Variants in COBLL1 observed in about 807,000 individuals in gnomAD.
COBLL1 encodes cordon-bleu WH2 repeat protein like 1.
COBLL1 carries 50 observed loss-of-function variants against 94.8 expected under a neutral mutation model. That is an observed-to-expected ratio of 0.53 (90% CI 0.42 to 0.67). COBLL1 has a LOEUF of 0.67. COBLL1 is among the 30% of genes least tolerant of loss of function. The pLI, the probability that COBLL1 is intolerant of heterozygous loss-of-function variation, is 0.00. For synonymous variants in COBLL1, 448 were observed against 473.8 expected (o/e 0.95, Z 0.71); for missense variants, 1,362 against 1,348.7 (o/e 1.01, Z -0.15).
At chr2:164,704,783 T>C (rs566262859) in intron 8 of COBLL1, among the ~76,000 whole-genome samples, 169 bp downstream of exon 8, 1 of 152,316 alleles carries the variant, frequency 6.6e-6, no homozygotes, top group East Asian at 1.9e-4. Context: ...GACACTTTAT[T>C]TGGTGATGTT....
rs1685922109 is a variant in COBLL1, at chr2:164,730,168, A to G, written c.231-53T>C. 8.9e-6 allele frequency: 13 copies of G among 1,452,870 alleles called. No individual in the cohort carries two copies. In the East Asian group the frequency reaches 3.0e-4, roughly 33 times the overall value. 90.0% of individuals were successfully genotyped at this position (1,452,870 alleles called of 1,614,324 possible). ...GTTATTGTTTTGAGGATTTTCTTAG[A>G]ATGCTTGTCTTCAATAGATAAACAA... On this transcript the variant is annotated intron_variant, in intron 3 of 13. Transcript: ENST00000652658.
downstream of COBLL1, among the ~76,000 whole-genome samples, chr2:164,678,470 T>C (rs1682898159): frequency 6.6e-6 from 1 of 152,112 alleles, no homozygotes; most frequent in Admixed American, 6.6e-5. Context: ...AGACCTTAAA[T>C]TTAAGAAGCA....
At chr2:164,819,350 G>A (rs1685044248) in intron 2 of COBLL1, among the ~76,000 whole-genome samples, 1 of 151,964 alleles carries the variant, frequency 6.6e-6, no homozygotes, top group African/African-American at 2.4e-5. Context: ...AAACATAAAA[G>A]AGATAAAGCA....
chr2:164,776,125 A>C (rs1574566419), intron 2 of COBLL1, among the ~76,000 whole-genome samples: 1 of 146,170 alleles, frequency 6.8e-6, no homozygotes, highest in Non-Finnish European at 1.5e-5. Context: ...TTCCCACTCC[A>C]CCCTGACAGT....
chr2:164,688,254 T>C (rs1683410558), intron 13 of COBLL1, among the ~76,000 whole-genome samples: 1 of 152,136 alleles, frequency 6.6e-6, no homozygotes, highest in African/African-American at 2.4e-5. Flanking sequence ...TAAAAACTTG[T>C]TTACTAAACT....
Position 164,728,172 on chromosome 2 carries a change from AAATT to A in COBLL1, c.454_457del (p.Asn152LeufsTer8). ...CACTATGGTCTTCTGTGTTTTCTTA[AAATT>A]AATCACTACTCTCACAGTTTTCTGA... On this transcript the variant is annotated frameshift_variant, in exon 5 of 14. Transcript: ENST00000652658. LOFTEE classifies it high-confidence loss of function. 6.2e-7 allele frequency: 1 copy of A among 1,613,038 alleles called. No individual in the cohort carries two copies. Among genetic ancestry groups the A allele is most frequent in the Non-Finnish European group, 8.5e-7 (1 of 1,179,148 alleles).
At chr2:164,818,583 T>C (rs1338533541) in intron 2 of COBLL1, among the ~76,000 whole-genome samples, 1 of 148,132 alleles carries the variant, frequency 6.8e-6, no homozygotes, top group East Asian at 2.0e-4. Flanking sequence ...TATATGTACA[T>C]ATGTACACAT....
At chr2:164,809,095 G>GT (rs1012137786) in intron 2 of COBLL1, among the ~76,000 whole-genome samples, 1 of 151,918 alleles carries the variant, frequency 6.6e-6, no homozygotes, top group African/African-American at 2.4e-5. Context: ...CTACAACAGT[G>GT]TTTTTTTGAC....
At chr2:164,804,597 G>C (rs1364497057) in intron 2 of COBLL1, among the ~76,000 whole-genome samples, 1 of 152,136 alleles carries the variant, frequency 6.6e-6, no homozygotes, top group East Asian at 1.9e-4. Flanking sequence ...CTGACAAAAT[G>C]TTGATACAAA....
intron 2 of COBLL1, among the ~76,000 whole-genome samples, chr2:164,832,834 G>C (rs1226402751): frequency 1.3e-5 from 2 of 151,670 alleles, no homozygotes; most frequent in Admixed American, 1.3e-4. Flanking sequence ...ACCTGAGGAC[G>C]GGAGTTTCAG....
At chr2:164,693,488 A>T (rs1683727854) in intron 12 of COBLL1, among the ~76,000 whole-genome samples, 1 of 152,124 alleles carries the variant, frequency 6.6e-6, no homozygotes, top group African/African-American at 2.4e-5. Flanking sequence ...TACACAAAGT[A>T]TTTCTTTAAA....
chr2:164,792,949 C>G (rs1291541184), intron 2 of COBLL1, among the ~76,000 whole-genome samples: 3 of 152,104 alleles, frequency 2.0e-5, no homozygotes, highest in Admixed American at 6.5e-5. Flanking sequence ...CAGACACACC[C>G]TACAGTTCCT....
chr2:164,823,121 T>C (rs1685261980), intron 2 of COBLL1, among the ~76,000 whole-genome samples: 1 of 152,194 alleles, frequency 6.6e-6, no homozygotes, highest in South Asian at 2.1e-4. Flanking sequence ...AGTGAGAGTA[T>C]TGTTTACACT....
intron 3 of COBLL1, among the ~76,000 whole-genome samples, chr2:164,731,888 T>G (rs1214303133): frequency 6.6e-6 from 1 of 152,174 alleles, no homozygotes; most frequent in East Asian, 1.9e-4. Flanking sequence ...GCCTGCAGCC[T>G]CTGATGCAGT....
At chr2:164,841,854 C>A, upstream of COBLL1, 1 of 829,424 alleles carries the variant, frequency 1.2e-6, no homozygotes, top group South Asian at 1.7e-5. The surrounding 1 kb of genome is among the most constrained non-coding windows in gnomAD (Gnocchi z 5.5). Context: ...GAGGCTCAGC[C>A]CAGCGCGGGC....
In COBLL1 at chr2:164,699,386, A is replaced by C; in HGVS notation, c.1555+19T>G. On this transcript the variant is annotated intron_variant, in intron 11 of 13. Transcript: ENST00000652658. ...TAATAAAAGTAAGAAAGTGTTGGCTATTAATTTATATAACTCACCATTCTC... is the reference window on the plus strand; with the variant it reads ...TAATAAAAGTAAGAAAGTGTTGGCTCTTAATTTATATAACTCACCATTCTC... The C allele has an allele frequency of 1.4e-6, 2 of 1,457,764 alleles. No homozygotes were observed. The highest frequency in any genetic ancestry group is 1.9e-6 in the Non-Finnish European group (2 of 1,037,706). 90.3% of individuals were successfully genotyped at this position (1,457,764 alleles called of 1,614,324 possible).
At chr2:164,785,279 C>G (rs921414144) in intron 2 of COBLL1, among the ~76,000 whole-genome samples, 1 of 152,122 alleles carries the variant, frequency 6.6e-6, no homozygotes, top group African/African-American at 2.4e-5. Flanking sequence ...GTTCCAGCTA[C>G]TGGGGAGGCC....
intron 1 of COBLL1, among the ~76,000 whole-genome samples, chr2:164,672,027 TA>T (rs1691250336): frequency 6.6e-6 from 1 of 152,214 alleles, no homozygotes; most frequent in Non-Finnish European, 1.5e-5. Flanking sequence ...AGTCTCAGCA[TA>T]AAATGTATTG....
intron 5 of COBLL1, chr2:164,724,525 A>G (rs996246214): frequency 6.6e-6 from 1 of 152,214 alleles, no homozygotes; most frequent in Admixed American, 6.5e-5. Context: ...ATAAATGAGT[A>G]GCAAATTTTT....
Sources: gnomAD v4.1 joint callset for allele counts (sites outside exome capture counted in the v4.1 genomes callset) on GRCh38, gnomAD v4.1.1 for gene constraint, Gnocchi (gnomAD v3.1) non-coding constraint, MANE v1.5 for transcripts, NCBI Gene and HGNC (gene_info 2026-07-23, HGNC 2026-07-21) for gene names.